The following SH3BP5 variants were observed in gnomAD, a reference collection of about 807,000 sequenced individuals.
SH3BP5 encodes SH3 domain-binding protein 5.
SH3BP5 carries 22 observed loss-of-function variants against 43.3 expected under a neutral mutation model. The ratio of observed to expected loss-of-function variants is 0.51; its 90% CI spans 0.36 to 0.73. The LOEUF is 0.73. SH3BP5 is among the 30% of genes least tolerant of loss of function. The pLI is 0.00. For missense variants in SH3BP5, 529 were observed against 586.9 expected, an observed-to-expected ratio of 0.90 and a Z score of 1.02; for synonymous variants, 255 against 225.8, an observed-to-expected ratio of 1.13 and a Z score of -1.16.
intron 3 of SH3BP5, among the ~76,000 whole-genome samples, chr3:15,297,768 C>A (rs974991422): frequency 2.0e-5 from 3 of 152,042 alleles, no homozygotes; most frequent in African/African-American, 7.3e-5. Flanking sequence ...AGCTGACCAC[C>A]AACCAACTGC....
chr3:15,303,970 C>T (rs1012344085), intron 3 of SH3BP5, 133 bp downstream of exon 3: 5 of 694,822 alleles, frequency 7.2e-6, no homozygotes, highest in South Asian at 1.7e-5. Context: ...GATTGCGGGG[C>T]GGTGGGTCAC....
chr3:15,255,744 A>C lies in SH3BP5; in HGVS notation c.*342T>G, dbSNP rs1039350292. 2 of 206,554 alleles carry C rather than the reference A, an allele frequency of 9.7e-6. No individual in the cohort carries two copies. Among genetic ancestry groups the C allele is most frequent in the Non-Finnish European group, 2.0e-5 (2 of 101,738 alleles). 12.8% of individuals were successfully genotyped at this position (206,554 alleles called of 1,614,324 possible). On this transcript the variant is annotated 3_prime_UTR_variant, in exon 9 of 9. Transcript: ENST00000383791. Reference sequence around the variant, plus strand: ...TGAGGGTGAGAAGAGAAAGAGAAGCAAGCTGTTGCCCCCACTTTGGCCTGG... The same window carrying C: ...TGAGGGTGAGAAGAGAAAGAGAAGCCAGCTGTTGCCCCCACTTTGGCCTGG...
intron 3 of SH3BP5, among the ~76,000 whole-genome samples, chr3:15,298,565 G>C (rs529715790): frequency 6.6e-6 from 1 of 152,146 alleles, no homozygotes; most frequent in Non-Finnish European, 1.5e-5. Context: ...AAATAACAAG[G>C]GTTGCCCAAT....
At chr3:15,257,229 T>C in intron 7 of SH3BP5, 116 bp from the exon 8 acceptor site, 1 of 1,043,492 alleles carries the variant, frequency 9.6e-7, no homozygotes, top group Admixed American at 2.3e-5. Flanking sequence ...TCTCTACCTC[T>C]GTGAGTGCCT....
chr3:15,339,300 A>G (rs1698736165), intron 1 of SH3BP5, among the ~76,000 whole-genome samples: 1 of 152,160 alleles, frequency 6.6e-6, no homozygotes, highest in Non-Finnish European at 1.5e-5. Flanking sequence ...CAGATGAATT[A>G]CAGGCCACAG....
intron 1 of SH3BP5, among the ~76,000 whole-genome samples, chr3:15,340,843 G>T (rs1698757107): frequency 6.6e-6 from 1 of 151,194 alleles, no homozygotes; most frequent in African/African-American, 2.4e-5. Flanking sequence ...ACCTGAGGTT[G>T]GGAGTTCAAA....
intron 2 of SH3BP5, among the ~76,000 whole-genome samples, chr3:15,323,164 A>AAATAAATG (rs1263243705): frequency 4.4e-4 from 65 of 147,208 alleles, no homozygotes; most frequent in African/African-American, 1.6e-3. Flanking sequence ...ATAAATAAAT[A>AAATAAATG]AAGCAGGGCT....
intron 3 of SH3BP5, among the ~76,000 whole-genome samples, chr3:15,284,303 G>C (rs1410197722): frequency 6.6e-6 from 1 of 152,106 alleles, no homozygotes; most frequent in Non-Finnish European, 1.5e-5. Flanking sequence ...CACAATCCCT[G>C]TTCAACCCCT....
intron 3 of SH3BP5, among the ~76,000 whole-genome samples, chr3:15,286,903 A>G (rs1235087516): frequency 6.6e-6 from 1 of 152,188 alleles, no homozygotes; most frequent in African/African-American, 2.4e-5. Context: ...GCACCACGCA[A>G]CATGAAGATG....
intron 2 of SH3BP5, among the ~76,000 whole-genome samples, chr3:15,318,906 T>C (rs917655105): frequency 7.4e-6 from 1 of 136,030 alleles, no homozygotes; most frequent in Non-Finnish European, 1.6e-5. Context: ...TTCATAACAT[T>C]GAAGTGTGGT....
In SH3BP5 at chr3:15,257,044, G is replaced by C; in HGVS notation, c.959C>G (p.Ser320Cys). 1.9e-6 allele frequency: 3 copies of C among 1,614,202 alleles called. No individual in the cohort carries two copies. The highest frequency in any genetic ancestry group is 2.2e-5 in the East Asian group (1 of 44,886). The change falls in exon 8 of 9, where the codon TCC becomes TGC. Residue 320 changes from serine to cysteine, a missense_variant. Around this residue, in one of 3 missense-constraint regions of SH3BP5, gnomAD observed 369 missense variants for 384.3 expected, o/e 0.96. Transcript: ENST00000383791. ...FVSEDDSETQSVSSFSSGPTS... is the reference protein window; with the variant it reads ...FVSEDDSETQCVSSFSSGPTS... ...TGGTCCTGAACTAAAGCTGGACACGGACTGGGTTTCCGAGTCATCTTCAGA... is the reference window on the plus strand; with the variant it reads ...TGGTCCTGAACTAAAGCTGGACACGCACTGGGTTTCCGAGTCATCTTCAGA...
At chr3:15,335,851 G>A (rs768539554), upstream of SH3BP5, among the ~76,000 whole-genome samples, 2 of 152,206 alleles carry the variant, frequency 1.3e-5, no homozygotes, top group Non-Finnish European at 2.9e-5. Context: ...AGCAGGGCGT[G>A]GCCTAGGATT....
intron 2 of SH3BP5, among the ~76,000 whole-genome samples, chr3:15,309,914 C>A (rs536519308): frequency 0.021 from 3,133 of 151,410 alleles, 115 homozygotes; most frequent in African/African-American, 0.071. Flanking sequence ...CCACCCCCCC[C>A]CCATAAGAAA....
At chr3:15,292,331 G>C (rs1453675946) in intron 3 of SH3BP5, among the ~76,000 whole-genome samples, 1 of 152,138 alleles carries the variant, frequency 6.6e-6, no homozygotes, top group Non-Finnish European at 1.5e-5. Flanking sequence ...TGCCTGCCCA[G>C]CAGCACCAAG....
chr3:15,272,339 C>T lies in SH3BP5; in HGVS notation c.331-2462G>A, dbSNP rs80241989. ...GGACACTCAGAAGTCTGTAATACAACGCTGTATGTGACAGTGCCACAGCAG... is the reference window on the plus strand; with the variant it reads ...GGACACTCAGAAGTCTGTAATACAATGCTGTATGTGACAGTGCCACAGCAG... On this transcript the variant is annotated intron_variant, in intron 3 of 8. Transcript: ENST00000383791. Among the ~76,000 whole-genome samples the T allele has an allele frequency of 6.3e-3, 953 of 152,214 alleles. 3 individuals carry two copies. The highest frequency in any genetic ancestry group is 0.01 in the Non-Finnish European group (702 of 68,016).
intron 3 of SH3BP5, among the ~76,000 whole-genome samples, chr3:15,272,922 A>G (rs1430144358): frequency 1.3e-5 from 2 of 151,962 alleles, no homozygotes; most frequent in Non-Finnish European, 2.9e-5. Context: ...CACCCTCCCT[A>G]GAGCTGACCA....
At chr3:15,337,033 T>C (rs1698707833), upstream of SH3BP5, among the ~76,000 whole-genome samples, 1 of 151,860 alleles carries the variant, frequency 6.6e-6, no homozygotes, top group Non-Finnish European at 1.5e-5. Flanking sequence ...GCTGGAATTA[T>C]AGGCGTGAGC....
Position 15,262,188 on chromosome 3 carries a change from C to G in SH3BP5, c.597G>C (p.Lys199Asn). 1.9e-6 allele frequency: 3 copies of G among 1,614,142 alleles called. No individual in the cohort carries two copies. Among genetic ancestry groups the G allele is most frequent in the Non-Finnish European group, 2.5e-6 (3 of 1,180,026 alleles). The change falls in exon 5 of 9, where the codon AAG becomes AAC. Residue 199 changes from lysine (K) to asparagine (N), a missense_variant. Lys to Asn is a moderately conservative substitution (Grantham distance 94). Coordinates refer to ENST00000383791, the MANE Select transcript of SH3BP5 (RefSeq NM_004844.5). ...ACTTGTTGATGGCTCTCTTGAGTTT[C>G]TTCTCCAGCTGTCGCATGCGGCCCA... ...AAMGRMRQLE[K>N]KLKRAINKSK...
chr3:15,282,333 T>G (rs1697153668), intron 3 of SH3BP5, among the ~76,000 whole-genome samples: 1 of 152,146 alleles, frequency 6.6e-6, no homozygotes, highest in Non-Finnish European at 1.5e-5. Context: ...ATACGCAAAT[T>G]GTGAGCAGCA....
Sources: gnomAD v4.1 joint callset for allele counts (sites outside exome capture counted in the v4.1 genomes callset) on GRCh38, gnomAD v4.1.1 for gene constraint, gnomAD v4.1.1 regional missense constraint, MANE v1.5 for transcripts, NCBI Gene and HGNC (gene_info 2026-07-23, HGNC 2026-07-21) for gene names.